Variants in RPH3AL observed in about 807,000 individuals in gnomAD.
RPH3AL encodes rabphilin 3A like (without C2 domains).
RPH3AL carries 38 observed loss-of-function variants against 43.1 expected under a neutral mutation model. The observed-to-expected ratio is 0.88, with a 90% CI of 0.68 to 1.15. The LOEUF (loss-of-function observed/expected upper bound fraction) is 1.15. Among genes scored for constraint, RPH3AL ranks in the 50% most tolerant of loss-of-function variants. RPH3AL has a pLI of 0.00. For missense variants in RPH3AL, 462 were observed against 423.2 expected (o/e 1.09, Z -0.81); for synonymous variants, 189 against 176.3 (o/e 1.07, Z -0.57).
At chr17:229,583 C>T (rs543807556) in intron 7 of RPH3AL, among the ~76,000 whole-genome samples, 1 of 152,200 alleles carries the variant, frequency 6.6e-6, no homozygotes, top group South Asian at 2.1e-4. Flanking sequence ...GATGCCAGGC[C>T]CCTCTCCCAG....
intron 6 of RPH3AL, among the ~76,000 whole-genome samples, chr17:259,145 T>C (rs1027967857): frequency 3.3e-5 from 5 of 152,068 alleles, no homozygotes; most frequent in Non-Finnish European, 7.4e-5. Context: ...GTAGTCCAGG[T>C]GGAAGGTCTA....
At chr17:305,308 C>T (rs76180695) in intron 5 of RPH3AL, among the ~76,000 whole-genome samples, 3 of 151,806 alleles carry the variant, frequency 2.0e-5, no homozygotes, top group Admixed American at 6.6e-5. Context: ...CGAGATGGCG[C>T]GTAACAGCCC....
chr17:242,646 CTTCCTCTATT>C (rs1555537573), intron 7 of RPH3AL, among the ~76,000 whole-genome samples: 7 of 125,880 alleles, frequency 5.6e-5, no homozygotes, highest in Admixed American at 1.7e-4. Flanking sequence ...ATTGATTACC[CTTCCTCTATT>C]GACTACCTTC....
Position 274,090 on chromosome 17 carries a change from T to G in RPH3AL, c.438+7678A>C, listed in dbSNP as rs1246601533. On this transcript the variant is annotated intron_variant, in intron 6 of 9. Transcript: ENST00000331302. This position sits in a 1 kb window ranked among gnomAD's most constrained non-coding sequence, Gnocchi z 4.7. Reference sequence around the variant, plus strand: ...TGAGTCATTCTTCGTTTTCGTTTAGTGGATAGGGATTCGAGGCTAAACAGT... The same window carrying G: ...TGAGTCATTCTTCGTTTTCGTTTAGGGGATAGGGATTCGAGGCTAAACAGT... Among the ~76,000 whole-genome samples the G allele has an allele frequency of 6.6e-6, 1 of 152,212 alleles. No individual in the cohort carries two copies. The highest frequency in any genetic ancestry group is 1.9e-4 in the East Asian group (1 of 5,204).
chr17:340,371 T>TCCCCACATCCACACTCACTGCCCC (rs1567537943), intron 1 of RPH3AL, among the ~76,000 whole-genome samples: 1 of 71,546 alleles, frequency 1.4e-5, no homozygotes, highest in African/African-American at 4.9e-5. Context: ...CTCACTGCCC[T>TCCCCACATCCACACTCACTGCCCC]GGGCTCAGGC....
At chr17:310,882 C>T (rs561993524) in intron 5 of RPH3AL, among the ~76,000 whole-genome samples, 8 of 152,260 alleles carry the variant, frequency 5.3e-5, no homozygotes, top group African/African-American at 1.2e-4. Flanking sequence ...GATTCTCCAG[C>T]GACTCGGGTT....
chr17:340,597 C>G (rs1160482458), intron 1 of RPH3AL, among the ~76,000 whole-genome samples: 83 of 12,286 alleles, frequency 6.8e-3, no homozygotes, highest in Middle Eastern at 0.062. Flanking sequence ...CCCACCCAGG[C>G]CTCCCCACAT....
At position 278,499 on chromosome 17, in the gene RPH3AL, G is replaced by A. The variant is rs188348938; in HGVS notation, c.438+3269C>T. On this transcript the variant is annotated intron_variant, in intron 6 of 9. Coordinates refer to ENST00000331302, the MANE Select transcript of RPH3AL (RefSeq NM_006987.4). ...TCTACCAAGCACACACATCTGCCTC[G>A]GGGCCTTTGCACCTGCTGCTTTGCA... 1.5e-3 allele frequency among the ~76,000 whole-genome samples: 235 copies of A among 151,990 alleles called. 1 individual carries two copies. The highest frequency in any genetic ancestry group is 3.4e-3 in the African/African-American group (140 of 41,430).
intron 5 of RPH3AL, among the ~76,000 whole-genome samples, chr17:318,455 C>CA (rs1195517794): frequency 2.6e-5 from 4 of 151,712 alleles, no homozygotes; most frequent in Non-Finnish European, 5.9e-5. Context: ...AAGGTGAAAA[C>CA]AAAAAAGAGG....
rs1032697739 is a variant in RPH3AL, at chr17:237,709, A to G, written c.613+9402T>C. On this transcript the variant is annotated intron_variant, in intron 7 of 9. Transcript: ENST00000331302. The stretch of plus-strand genomic sequence containing the variant: ...CCACAGCCCAGTGACAAGGCTTTCA[A>G]TGATACCCCAGGATCCCAGGCCGAG... Among the ~76,000 whole-genome samples the G allele has an allele frequency of 2.6e-5, 4 of 152,324 alleles. No homozygotes were observed. In the Middle Eastern group the frequency reaches 0.01, roughly 389 times the overall value.
At chr17:268,604 A>G (rs1597976866) in intron 6 of RPH3AL, among the ~76,000 whole-genome samples, 1 of 111,224 alleles carries the variant, frequency 9.0e-6, no homozygotes, top group African/African-American at 3.5e-5. Flanking sequence ...GCTGTTGCCC[A>G]GGCTGAAGTA....
intron 1 of RPH3AL, among the ~76,000 whole-genome samples, chr17:335,233 T>C (rs984430568): frequency 4.0e-5 from 6 of 151,884 alleles, no homozygotes; most frequent in African/African-American, 1.5e-4. Context: ...GGTGAGACTA[T>C]CTCTATGGTG....
intron 2 of RPH3AL, 150 bp from the exon 3 acceptor site, chr17:327,729 C>T (rs1016768731): frequency 3.3e-5 from 20 of 598,092 alleles, no homozygotes; most frequent in Non-Finnish European, 5.7e-5. Context: ...ACCATCTCTC[C>T]AGCAAAACAC....
At chr17:343,632 T>G (rs940804569) in intron 1 of RPH3AL, among the ~76,000 whole-genome samples, 2 of 152,174 alleles carry the variant, frequency 1.3e-5, no homozygotes, top group African/African-American at 4.8e-5. Context: ...TTGGGAAGAA[T>G]AAATTCAACC....
At chr17:251,960 TTC>T (rs1169874424) in intron 6 of RPH3AL, among the ~76,000 whole-genome samples, 1 of 140,046 alleles carries the variant, frequency 7.1e-6, no homozygotes, top group Non-Finnish European at 1.5e-5. Context: ...CTTGGAAGTT[TTC>T]TCTTTTTTTT....
At chr17:340,007 C>A (rs1285195429) in intron 1 of RPH3AL, among the ~76,000 whole-genome samples, 1 of 152,076 alleles carries the variant, frequency 6.6e-6, no homozygotes, top group East Asian at 1.9e-4. Context: ...GCCCTCAGAG[C>A]AGAGGCACAA....
At chr17:315,087 A>T (rs2151669734) in intron 5 of RPH3AL, among the ~76,000 whole-genome samples, 1 of 136,130 alleles carries the variant, frequency 7.3e-6, no homozygotes, top group Non-Finnish European at 1.6e-5. Context: ...ACCTCCACTG[A>T]ATTGTAGTCC....
At chr17:269,553 G>A (rs916318566) in intron 6 of RPH3AL, among the ~76,000 whole-genome samples, 3 of 152,176 alleles carry the variant, frequency 2.0e-5, no homozygotes, top group African/African-American at 4.8e-5. Flanking sequence ...GGAGGAAGAC[G>A]CATCCGGCTT....
intron 5 of RPH3AL, among the ~76,000 whole-genome samples, chr17:298,222 C>A (rs2043229117): frequency 6.6e-6 from 1 of 152,186 alleles, no homozygotes; most frequent in Admixed American, 6.5e-5. Flanking sequence ...TCCAGCTCTG[C>A]CCCCACCAGC....
Sources: allele counts gnomAD v4.1 joint callset (sites outside exome capture counted in the v4.1 genomes callset), GRCh38; gene constraint gnomAD v4.1.1; non-coding constraint Gnocchi (gnomAD v3.1); transcripts MANE v1.5; gene names NCBI Gene and HGNC (gene_info 2026-07-23, HGNC 2026-07-21).